The following FCMR variants were observed in gnomAD, a reference collection of about 807,000 sequenced individuals.
FCMR encodes immunoglobulin mu Fc receptor.
A neutral mutation model predicts 41.6 loss-of-function variants in FCMR; 34 were observed. The ratio of observed to expected loss-of-function variants is 0.82; its 90% CI spans 0.62 to 1.09. The LOEUF is 1.09. FCMR is among the 50% of genes least tolerant of loss of function. The pLI is 0.00. For synonymous variants in FCMR, 209 were observed against 211.8 expected, an observed-to-expected ratio of 0.99 and a Z score of 0.12; for missense variants, 496 against 512.5, an observed-to-expected ratio of 0.97 and a Z score of 0.31.
intron 1 of FCMR, among the ~76,000 whole-genome samples, chr1:206,915,365 G>T (rs998207786): frequency 6.6e-6 from 1 of 152,182 alleles, no homozygotes; most frequent in Admixed American, 6.5e-5. Flanking sequence ...TGAAGGAATG[G>T]GTATGGAGTG....
chr1:206,921,211 G>A (rs1679426481), intron 1 of FCMR: 1 of 176,474 alleles, frequency 5.7e-6, no homozygotes, highest in South Asian at 1.2e-4. Flanking sequence ...TAGAAAGAGT[G>A]TAGAGGTAAG....
chr1:206,912,906 T>A, intron 3 of FCMR, 23 bp downstream of exon 3: 1 of 1,499,252 alleles, frequency 6.7e-7, no homozygotes, highest in Non-Finnish European at 9.3e-7. Context: ...CCACCTCTCC[T>A]ACCCTTGCTA....
chr1:206,906,734 G>T (rs2102541561), intron 7 of FCMR, among the ~76,000 whole-genome samples: 1 of 152,052 alleles, frequency 6.6e-6, no homozygotes, highest in South Asian at 2.1e-4. Flanking sequence ...GGCAGGGTCA[G>T]CTTGGAACAA....
In FCMR at chr1:206,911,801, G is replaced by T. The variant is rs779958329; in HGVS notation, c.639C>A (p.Ile213=). Residue 213 remains isoleucine (I), a synonymous_variant, in exon 4 of 8, where the codon ATC becomes ATA. Coordinates refer to ENST00000367091, the MANE Select transcript of FCMR (RefSeq NM_005449.5). The part of the protein sequence containing the change: ...TFLPSTTASK[I]SALEGLLKPQ... ...GCTTGAGCAGCCCCTCCAGAGCTGA[G>T]ATTTTTGAGGCTGTAGTGGATGGCA... 6.2e-7 allele frequency: 1 copy of T among 1,612,660 alleles called. No individual in the cohort carries two copies. Among genetic ancestry groups the T allele is most frequent in the Admixed American group, 1.7e-5 (1 of 59,660 alleles).
chr1:206,914,143 T>C (rs766797466), intron 1 of FCMR, 49 bp from the exon 2 acceptor site: 1 of 1,436,702 alleles, frequency 7.0e-7, no homozygotes, highest in East Asian at 2.3e-5. Flanking sequence ...TCTAACTATA[T>C]CCCAGCCCCA....
At chr1:206,908,829 C>G (rs759325928) in intron 7 of FCMR, among the ~76,000 whole-genome samples, 11 of 152,176 alleles carry the variant, frequency 7.2e-5, no homozygotes, top group Non-Finnish European at 1.5e-4. Flanking sequence ...AAAAAGCTTT[C>G]TCATCTCAAT....
intron 7 of FCMR, chr1:206,908,041 G>C (rs368101899): frequency 1.6e-6 from 2 of 1,226,082 alleles, no homozygotes; most frequent in Middle Eastern, 2.7e-4. Flanking sequence ...GGAGCGCCTG[G>C]CTCACGATGG....
chr1:206,917,728 T>C (rs79543561), intron 1 of FCMR: 34,590 of 438,030 alleles, frequency 0.079, 4,683 homozygotes, highest in African/African-American at 0.41. Flanking sequence ...CTGGGCTCAA[T>C]TGAGGCTCCC....
In FCMR at chr1:206,909,574, T is replaced by G; in HGVS notation, c.986-54A>C. On this transcript the variant is annotated intron_variant, in intron 6 of 7. Transcript: ENST00000367091. This position sits in a 1 kb window ranked among gnomAD's most constrained non-coding sequence, Gnocchi z 5.0. ...GGCGGCCGAGGCTCCCGCCCCACCG[T>G]CATGCTACTACTCCCAGCTCCACCC... is the stretch of plus-strand genomic sequence containing the variant. 5 of 1,273,198 alleles carry G rather than the reference T, an allele frequency of 3.9e-6. No individual in the cohort carries two copies. Among genetic ancestry groups the G allele is most frequent in the Non-Finnish European group, 4.0e-6 (4 of 994,390 alleles). 78.9% of individuals were successfully genotyped at this position (1,273,198 alleles called of 1,614,324 possible).
At position 206,905,069 on chromosome 1, in the gene FCMR, C is replaced by T. The variant is rs200837472; in HGVS notation, c.1123G>A (p.Ala375Thr). 70 of 1,614,018 alleles carry T rather than the reference C, an allele frequency of 4.3e-5. No individual in the cohort carries two copies. The East Asian group carries it at 1.0e-3, about 23-fold the overall frequency. Residue 375 changes from alanine to threonine, a missense_variant, in exon 8 of 8, where the codon GCC (alanine) becomes ACC (threonine). Transcript: ENST00000367091. The stretch of plus-strand genomic sequence containing the variant: ...TCTGAATCACTGTCCTCCATCATGG[C>T]GGCAGGCTGGTGGTAGAGGCTCACG... ...EYVSLYHQPA[A>T]MMEDSDSDDY...
chr1:206,910,846 G>A (rs1222525880), intron 4 of FCMR, among the ~76,000 whole-genome samples: 5 of 152,230 alleles, frequency 3.3e-5, no homozygotes, highest in Admixed American at 6.5e-5. Flanking sequence ...AAAGGACATT[G>A]TGTAAGTCCT....
chr1:206,908,133 A>G (rs1296378312), intron 7 of FCMR: 2 of 1,313,030 alleles, frequency 1.5e-6, no homozygotes, highest in East Asian at 4.6e-5. Flanking sequence ...GGAAGAAGAA[A>G]CAGCTCATGA....
intron 7 of FCMR, chr1:206,906,391 C>T (rs1173482953): frequency 1.1e-5 from 2 of 185,224 alleles, no homozygotes; most frequent in African/African-American, 2.4e-5. Context: ...AGGAAATCCT[C>T]GATGTATGAC....
chr1:206,905,514 G>A (rs1678597495), intron 7 of FCMR, among the ~76,000 whole-genome samples: 1 of 152,180 alleles, frequency 6.6e-6, no homozygotes, highest in Non-Finnish European at 1.5e-5. Flanking sequence ...CAGAAGTAGA[G>A]TGAGTCACCC....
At chr1:206,922,514 C>T (rs1396380989), upstream of FCMR, among the ~76,000 whole-genome samples, 2 of 152,240 alleles carry the variant, frequency 1.3e-5, no homozygotes, top group African/African-American at 2.4e-5. Context: ...ATGATCCCTG[C>T]CATTCCCTCC....
chr1:206,907,728 G>A, intron 7 of FCMR: 1 of 971,580 alleles, frequency 1.0e-6, no homozygotes, highest in South Asian at 1.3e-5. Context: ...GTTGTCGTAC[G>A]CTGGGAGGGC....
Position 206,910,287 on chromosome 1 carries a change from A to G in FCMR, c.764T>C (p.Leu255Pro), listed in dbSNP as rs756673216. 7 of 1,577,112 alleles carry G rather than the reference A, an allele frequency of 4.4e-6. 1 individual carries two copies. The South Asian group carries it at 8.2e-5, about 18-fold the overall frequency. The change falls in exon 5 of 8, where the codon CTG becomes CCG. Residue 255 changes from leucine (L) to proline (P), a missense_variant. Coordinates refer to ENST00000367091, the MANE Select transcript of FCMR (RefSeq NM_005449.5). ...SGREGQGFHI[L>P]IPTILGLFLL... ...GAAAAGGCCCAGGATGGTCGGGATC[A>G]GGATGTGAAATCCTTGGCCTTCCCT...
chr1:206,905,771 G>T (rs555647305), intron 7 of FCMR, among the ~76,000 whole-genome samples: 2 of 152,288 alleles, frequency 1.3e-5, no homozygotes, highest in African/African-American at 4.8e-5. Context: ...CCACAAGGGG[G>T]ACAGTTATGT....
intron 1 of FCMR, chr1:206,917,793 A>ATTTTT: frequency 2.3e-6 from 1 of 433,446 alleles, no homozygotes; most frequent in African/African-American, 2.2e-5. Context: ...TGTGTGGCGA[A>ATTTTT]TTTTTTTTTT....
Sources: allele counts gnomAD v4.1 joint callset (sites outside exome capture counted in the v4.1 genomes callset), GRCh38; gene constraint gnomAD v4.1.1; non-coding constraint Gnocchi (gnomAD v3.1); transcripts MANE v1.5; gene names NCBI Gene and HGNC (gene_info 2026-07-23, HGNC 2026-07-21).